The following NKAIN2 variants were observed in gnomAD, a reference collection of about 807,000 sequenced individuals.
NKAIN2 encodes the protein sodium/potassium transporting ATPase interacting 2.
In NKAIN2, 14 loss-of-function variants were observed where a neutral mutation model predicts 32.6. The ratio of observed to expected loss-of-function variants is 0.43; its 90% CI spans 0.28 to 0.67. The LOEUF is 0.67. Among genes scored for constraint, NKAIN2 ranks in the 30% least tolerant of loss-of-function variants. NKAIN2 has a pLI of 0.17. For synonymous variants in NKAIN2, 80 were observed against 87.2 expected, an observed-to-expected ratio of 0.92 and a Z score of 0.46; for missense variants, 198 against 258.3, an observed-to-expected ratio of 0.77 and a Z score of 1.60.
intron 3 of NKAIN2, among the ~76,000 whole-genome samples, chr6:124,389,358 A>G (rs1355248401): frequency 6.6e-6 from 1 of 152,200 alleles, no homozygotes; most frequent in African/African-American, 2.4e-5. Flanking sequence ...CTGCCTCAGC[A>G]ATGCTGGTGT....
intron 1 of NKAIN2, among the ~76,000 whole-genome samples, chr6:124,007,403 G>A (rs145457778): frequency 7.5e-4 from 114 of 152,284 alleles, no homozygotes; most frequent in African/African-American, 2.6e-3. Context: ...ACCAATGAGT[G>A]TGTACAGTGA....
At chr6:124,594,073 G>T (rs74355596) in intron 3 of NKAIN2, among the ~76,000 whole-genome samples, 2,282 of 152,230 alleles carry the variant, frequency 0.015, 60 homozygotes, top group African/African-American at 0.052. Context: ...GAGGAGAGGT[G>T]ACTAACGATC....
chr6:124,040,639 T>C (rs1158130588), intron 1 of NKAIN2, among the ~76,000 whole-genome samples: 1 of 152,032 alleles, frequency 6.6e-6, no homozygotes, highest in Admixed American at 6.6e-5. Context: ...CTTTGCTTGA[T>C]GATATTATGG....
At chr6:124,400,163 T>C (rs1220109731) in intron 3 of NKAIN2, among the ~76,000 whole-genome samples, 1 of 152,164 alleles carries the variant, frequency 6.6e-6, no homozygotes, top group African/African-American at 2.4e-5. Context: ...TGCCACACAT[T>C]AGAATCTCCT....
At chr6:123,971,313 G>A (rs1180305727) in intron 1 of NKAIN2, among the ~76,000 whole-genome samples, 2 of 151,656 alleles carry the variant, frequency 1.3e-5, no homozygotes, top group Admixed American at 6.6e-5. Context: ...AGTAACATTT[G>A]CTATGAGTAA....
rs1779735026 is a variant in NKAIN2, at chr6:124,791,364, A to G, written c.500A>G (p.Tyr167Cys). Reference sequence around the variant, plus strand: ...CTGGCAGGTTTCATCTACGCCTGTTATGTTGTGAAATGTATAACTGAAGAA... The same window carrying G: ...CTGGCAGGTTTCATCTACGCCTGTTGTGTTGTGAAATGTATAACTGAAGAA... ...LALAGFIYACYVVKCITEEED... is the reference protein window; with the variant it reads ...LALAGFIYACCVVKCITEEED... Residue 167 changes from tyrosine (Y) to cysteine (C), a missense_variant, in exon 5 of 7, where the codon TAT (tyrosine) becomes TGT (cysteine). Coordinates refer to ENST00000368417, the MANE Select transcript of NKAIN2 (RefSeq NM_001040214.3). 1.2e-6 allele frequency: 2 copies of G among 1,609,464 alleles called. No individual in the cohort carries two copies. The highest frequency in any genetic ancestry group is 1.7e-6 in the Non-Finnish European group (2 of 1,176,710).
intron 3 of NKAIN2, among the ~76,000 whole-genome samples, chr6:124,423,212 A>G (rs1043884976): frequency 6.6e-6 from 1 of 152,198 alleles, no homozygotes; most frequent in Non-Finnish European, 1.5e-5. Flanking sequence ...ATTGAGTGTC[A>G]TATGAACTAT....
intron 3 of NKAIN2, among the ~76,000 whole-genome samples, chr6:124,467,526 T>C (rs2114664355): frequency 6.6e-6 from 1 of 152,218 alleles, no homozygotes; most frequent in African/African-American, 2.4e-5. Context: ...CATCTCCAAG[T>C]TCAGTGCTGT....
chr6:124,348,671 CAGA>C (rs1373199522), intron 2 of NKAIN2, among the ~76,000 whole-genome samples: 4 of 152,234 alleles, frequency 2.6e-5, no homozygotes, highest in African/African-American at 7.2e-5. Context: ...ATGAGCGACG[CAGA>C]AGATGGGTGA....
intron 1 of NKAIN2, among the ~76,000 whole-genome samples, chr6:124,132,544 G>A (rs1237445098): frequency 4.6e-5 from 7 of 152,166 alleles, no homozygotes; most frequent in Non-Finnish European, 5.9e-5. Flanking sequence ...CACTGGTCCC[G>A]GGAAAGAGAA....
chr6:124,335,658 A>C (rs1206848471), intron 2 of NKAIN2, among the ~76,000 whole-genome samples: 1 of 152,152 alleles, frequency 6.6e-6, no homozygotes, highest in Non-Finnish European at 1.5e-5. Context: ...TAATTATATA[A>C]ATTTTGAAAA....
At chr6:124,598,179 GA>G (rs1269688075) in intron 3 of NKAIN2, among the ~76,000 whole-genome samples, 2 of 152,088 alleles carry the variant, frequency 1.3e-5, no homozygotes, top group Non-Finnish European at 2.9e-5. Context: ...ACATTTCTAG[GA>G]AAAACTAGTT....
At chr6:124,691,779 T>C (rs995824700) in intron 4 of NKAIN2, among the ~76,000 whole-genome samples, 2 of 152,230 alleles carry the variant, frequency 1.3e-5, no homozygotes. Flanking sequence ...GGTGAGGCCC[T>C]CTCTCACACC....
At chr6:124,656,231 G>A (rs990703322) in intron 3 of NKAIN2, among the ~76,000 whole-genome samples, 3 of 152,106 alleles carry the variant, frequency 2.0e-5, no homozygotes, top group Non-Finnish European at 4.4e-5. Context: ...CTACTTTTGT[G>A]GTTACTTCCA....
At chr6:124,371,076 C>T (rs1246295653) in intron 3 of NKAIN2, among the ~76,000 whole-genome samples, 1 of 151,766 alleles carries the variant, frequency 6.6e-6, no homozygotes, top group African/African-American at 2.4e-5. Flanking sequence ...TTCTTGTTTC[C>T]TTCTCAATGA....
intron 4 of NKAIN2, among the ~76,000 whole-genome samples, chr6:124,670,396 T>G (rs1773038519): frequency 6.6e-6 from 1 of 152,000 alleles, no homozygotes; most frequent in Non-Finnish European, 1.5e-5. Context: ...ATTCATTCAG[T>G]GAGAAAAGTA....
At chr6:124,177,533 G>C (rs997689209) in intron 1 of NKAIN2, among the ~76,000 whole-genome samples, 5 of 151,962 alleles carry the variant, frequency 3.3e-5, no homozygotes. Flanking sequence ...ACTTATCCTG[G>C]GAAAATAGGA....
intron 2 of NKAIN2, among the ~76,000 whole-genome samples, chr6:124,344,181 A>T (rs1278905925): frequency 6.6e-6 from 1 of 152,114 alleles, no homozygotes; most frequent in East Asian, 1.9e-4. Flanking sequence ...GTTCTGTCAC[A>T]TTGATCTATA....
chr6:124,255,807 T>C (rs940068087), intron 1 of NKAIN2, among the ~76,000 whole-genome samples: 1 of 152,226 alleles, frequency 6.6e-6, no homozygotes, highest in Non-Finnish European at 1.5e-5. Context: ...TGCCTTAAAA[T>C]ATGCTCTCAC....
Sources: gnomAD v4.1 joint callset for allele counts (sites outside exome capture counted in the v4.1 genomes callset) on GRCh38, gnomAD v4.1.1 for gene constraint, MANE v1.5 for transcripts, NCBI Gene and HGNC (gene_info 2026-07-23, HGNC 2026-07-21) for gene names.